SPIDR: variants seen among roughly 807,000 people sequenced by gnomAD.
SPIDR encodes DNA repair-scaffolding protein.
In SPIDR, 93 loss-of-function variants were observed where a neutral mutation model predicts 104.6. The observed-to-expected ratio is 0.89, with a 90% CI of 0.75 to 1.06. The LOEUF is 1.06. Ranked by LOEUF, SPIDR falls within the 50% of genes least tolerant of loss-of-function variation. The pLI is 0.00. For synonymous variants in SPIDR, 431 were observed against 416.9 expected (o/e 1.03, Z -0.41); for missense variants, 1,154 against 1,111.2 (o/e 1.04, Z -0.55).
intron 8 of SPIDR, among the ~76,000 whole-genome samples, chr8:47,573,897 A>G (rs141559251): frequency 6.6e-6 from 1 of 152,170 alleles, no homozygotes; most frequent in Non-Finnish European, 1.5e-5. Flanking sequence ...TTGTTGCCCT[A>G]ATTTCTTTGT....
intron 8 of SPIDR, among the ~76,000 whole-genome samples, chr8:47,587,593 G>C (rs2060392904): frequency 7.3e-6 from 1 of 137,128 alleles, no homozygotes; most frequent in Non-Finnish European, 1.5e-5. Flanking sequence ...CTGGGCGACA[G>C]AGCAAGACCC....
chr8:47,728,418 CAGAG>C (rs996718245), intron 17 of SPIDR, among the ~76,000 whole-genome samples: 4 of 151,436 alleles, frequency 2.6e-5, no homozygotes, highest in Admixed American at 6.6e-5. Flanking sequence ...ACCTGGGTAA[CAGAG>C]AGAGAGCGAG....
At chr8:47,269,718 G>A (rs2154213430) in intron 1 of SPIDR, among the ~76,000 whole-genome samples, 1 of 152,272 alleles carries the variant, frequency 6.6e-6, no homozygotes, top group South Asian at 2.1e-4. Context: ...GGGAAGAGTT[G>A]ACATCCTTTC....
intron 8 of SPIDR, among the ~76,000 whole-genome samples, chr8:47,587,837 A>G (rs1011588447): frequency 6.6e-6 from 1 of 150,942 alleles, no homozygotes; most frequent in Non-Finnish European, 1.5e-5. Context: ...TTTGTGTAGT[A>G]TATTTCTGGG....
intron 11 of SPIDR, among the ~76,000 whole-genome samples, chr8:47,692,471 C>CATGTATCAGAA: frequency 7.0e-6 from 1 of 143,664 alleles, no homozygotes; most frequent in African/African-American, 2.5e-5. Context: ...CATGATGTAA[C>CATGTATCAGAA]ATGTATCAGA....
At position 47,365,085 on chromosome 8, in the gene SPIDR, C is replaced by G. The variant is rs572035044; in HGVS notation, c.526-31291C>G. On this transcript the variant is annotated intron_variant, in intron 5 of 19. Transcript: ENST00000297423. ...ACCTGCATGGCTTGTTTCCTTCTGCCAGAGAACCTAGAACAGGCAAAGACA... is the reference window on the plus strand; with the variant it reads ...ACCTGCATGGCTTGTTTCCTTCTGCGAGAGAACCTAGAACAGGCAAAGACA... 2.6e-5 allele frequency among the ~76,000 whole-genome samples: 4 copies of G among 152,326 alleles called. No individual in the cohort carries two copies. In the East Asian group the frequency reaches 7.7e-4, roughly 29 times the overall value.
At chr8:47,325,489 G>C (rs1294250800) in intron 5 of SPIDR, among the ~76,000 whole-genome samples, 1 of 152,054 alleles carries the variant, frequency 6.6e-6, no homozygotes, top group Non-Finnish European at 1.5e-5. Flanking sequence ...TATTTCAGTT[G>C]GTCAGTCTAT....
At chr8:47,355,514 GA>G (rs1178571918) in intron 5 of SPIDR, among the ~76,000 whole-genome samples, 19 of 152,002 alleles carry the variant, frequency 1.2e-4, no homozygotes, top group African/African-American at 4.3e-4. Flanking sequence ...TTATGTCTGG[GA>G]ACCTATTTGA....
intron 7 of SPIDR, among the ~76,000 whole-genome samples, chr8:47,409,376 GA>G (rs2063198167): frequency 6.6e-6 from 1 of 151,828 alleles, no homozygotes; most frequent in African/African-American, 2.4e-5. Context: ...GCTTGATATT[GA>G]AAAGATTCCA....
At chr8:47,665,022 G>C (rs935914632) in intron 10 of SPIDR, among the ~76,000 whole-genome samples, 2 of 152,142 alleles carry the variant, frequency 1.3e-5, no homozygotes, top group African/African-American at 2.4e-5. Context: ...GAGAGTGCGA[G>C]AGAGAGAGGA....
intron 10 of SPIDR, among the ~76,000 whole-genome samples, chr8:47,643,660 C>G (rs2069638259): frequency 6.6e-6 from 1 of 152,166 alleles, no homozygotes. Flanking sequence ...GCCATTGTGC[C>G]TGACCGCAAC....
intron 9 of SPIDR, among the ~76,000 whole-genome samples, chr8:47,598,472 G>A (rs186535949): frequency 1.3e-5 from 2 of 152,308 alleles, no homozygotes; most frequent in East Asian, 3.9e-4. Flanking sequence ...ACTACGTAAG[G>A]GGTTGTTGGG....
intron 7 of SPIDR, among the ~76,000 whole-genome samples, chr8:47,413,824 T>TA (rs1237187606): frequency 2.4e-4 from 37 of 152,018 alleles, no homozygotes; most frequent in East Asian, 5.8e-4. Context: ...ATTTTCCAGA[T>TA]AAAAAAAACT....
intron 14 of SPIDR, among the ~76,000 whole-genome samples, chr8:47,704,359 G>A (rs1331653853): frequency 6.6e-6 from 1 of 152,172 alleles, no homozygotes; most frequent in African/African-American, 2.4e-5. Flanking sequence ...CTAATTCCAA[G>A]TGGAGAAGAC....
At chr8:47,374,737 T>G (rs1044964775) in intron 5 of SPIDR, among the ~76,000 whole-genome samples, 1 of 152,182 alleles carries the variant, frequency 6.6e-6, no homozygotes, top group Non-Finnish European at 1.5e-5. Flanking sequence ...AGACAAAGCC[T>G]TCTGTTTCAA....
At chr8:47,639,384 G>A (rs546166988) in intron 10 of SPIDR, among the ~76,000 whole-genome samples, 1 of 152,324 alleles carries the variant, frequency 6.6e-6, no homozygotes, top group East Asian at 1.9e-4. Context: ...GACTAGGTAA[G>A]TGAAATGGTT....
At chr8:47,298,049 G>A (rs2041233689) in intron 5 of SPIDR, among the ~76,000 whole-genome samples, 2 of 152,148 alleles carry the variant, frequency 1.3e-5, no homozygotes, top group African/African-American at 2.4e-5. Context: ...TTCCACAATG[G>A]TTGAACTAGT....
At chr8:47,734,791 A>C (rs1397857731) in intron 19 of SPIDR, among the ~76,000 whole-genome samples, 1 of 152,194 alleles carries the variant, frequency 6.6e-6, no homozygotes, top group Non-Finnish European at 1.5e-5. Context: ...GACTAACCAA[A>C]AAGAATTAGA....
intron 5 of SPIDR, among the ~76,000 whole-genome samples, chr8:47,350,668 G>A (rs1027597577): frequency 5.3e-5 from 8 of 152,138 alleles, no homozygotes; most frequent in African/African-American, 1.2e-4. Flanking sequence ...ATTATTTTGC[G>A]ACCATATCTA....
Sources: allele counts gnomAD v4.1 joint callset (sites outside exome capture counted in the v4.1 genomes callset), GRCh38; gene constraint gnomAD v4.1.1; transcripts MANE v1.5; gene names NCBI Gene and HGNC (gene_info 2026-07-23, HGNC 2026-07-21).